Variants in PCDH15 observed in about 807,000 individuals in gnomAD.
PCDH15 encodes protocadherin related 15, also known as protocadherin-15.
PCDH15 carries 129 observed loss-of-function variants against 178.5 expected under a neutral mutation model. The observed-to-expected ratio is 0.72, with a 90% CI of 0.63 to 0.84. The LOEUF is 0.84. Ranked by LOEUF, PCDH15 falls within the 40% of genes least tolerant of loss-of-function variation. PCDH15 has a pLI of 0.00. For synonymous variants in PCDH15, 800 were observed against 732.0 expected, an observed-to-expected ratio of 1.09 and a Z score of -1.50; for missense variants, 2,230 against 2,099.9, an observed-to-expected ratio of 1.06 and a Z score of -1.21.
intron 3 of PCDH15, among the ~76,000 whole-genome samples, chr10:54,863,967 T>C (rs1953892648): frequency 6.6e-6 from 1 of 152,212 alleles, no homozygotes; most frequent in South Asian, 2.1e-4. Context: ...ACTGATCATA[T>C]TTAAAGCTCT....
intron 2 of PCDH15, among the ~76,000 whole-genome samples, chr10:55,471,926 C>T (rs900254816): frequency 6.6e-6 from 1 of 152,092 alleles, no homozygotes; most frequent in African/African-American, 2.4e-5. Context: ...TGTGTTTATG[C>T]CCTGGGAAAA....
intron 18 of PCDH15, among the ~76,000 whole-genome samples, chr10:54,025,927 TAA>T (rs1240049889): frequency 6.6e-6 from 1 of 152,200 alleles, no homozygotes; most frequent in Non-Finnish European, 1.5e-5. Context: ...TAAGGGCATG[TAA>T]GATTACATTA....
At chr10:53,910,298 A>C (rs531037941) in intron 25 of PCDH15, among the ~76,000 whole-genome samples, 2 of 152,282 alleles carry the variant, frequency 1.3e-5, no homozygotes, top group Non-Finnish European at 2.9e-5. Context: ...CTCTGGGATG[A>C]AGCATCCAGA....
chr10:54,974,237 A>C (rs1006210174), intron 2 of PCDH15, among the ~76,000 whole-genome samples: 37 of 152,224 alleles, frequency 2.4e-4, no homozygotes, highest in Non-Finnish European at 4.1e-4. Flanking sequence ...AAAGAAGCTA[A>C]AGAAGTATTA....
intron 3 of PCDH15, among the ~76,000 whole-genome samples, chr10:54,504,880 A>G (rs1489611883): frequency 6.6e-6 from 1 of 152,132 alleles, no homozygotes; most frequent in Non-Finnish European, 1.5e-5. Context: ...AATGTCACCA[A>G]CAATAAATAA....
chr10:54,039,995 G>A (rs888731945), intron 18 of PCDH15, among the ~76,000 whole-genome samples: 1 of 151,920 alleles, frequency 6.6e-6, no homozygotes, highest in Admixed American at 6.6e-5. Flanking sequence ...GGAAGAAAAG[G>A]ACAACATATA....
At chr10:54,737,282 CTGAT>C (rs1481303653) in intron 1 of PCDH15, among the ~76,000 whole-genome samples, 2 of 152,062 alleles carry the variant, frequency 1.3e-5, no homozygotes, top group Non-Finnish European at 2.9e-5. Flanking sequence ...TAAGAGGTGT[CTGAT>C]TGAGCATGCA....
intron 2 of PCDH15, among the ~76,000 whole-genome samples, chr10:55,030,415 C>T (rs574267019): frequency 6.6e-6 from 1 of 152,162 alleles, no homozygotes; most frequent in African/African-American, 2.4e-5. Flanking sequence ...ATAAACACAG[C>T]TAATATTTCT....
chr10:54,720,383 GA>G (rs761620240), intron 1 of PCDH15, among the ~76,000 whole-genome samples: 11 of 149,656 alleles, frequency 7.4e-5, no homozygotes, highest in South Asian at 6.3e-4. Flanking sequence ...AGTCAAAGTG[GA>G]AAAAAAAATC....
chr10:54,736,892 T>A (rs72794585), intron 1 of PCDH15, among the ~76,000 whole-genome samples: 2 of 151,980 alleles, frequency 1.3e-5, no homozygotes, highest in Non-Finnish European at 2.9e-5. Flanking sequence ...TGGCATCAGG[T>A]ATAACGAATC....
chr10:54,407,781 C>T (rs1356956518), intron 3 of PCDH15, among the ~76,000 whole-genome samples: 2 of 152,016 alleles, frequency 1.3e-5, no homozygotes, highest in African/African-American at 2.4e-5. Context: ...GATGGCTGGG[C>T]GTGGTGGCTC....
intron 3 of PCDH15, among the ~76,000 whole-genome samples, chr10:54,380,513 G>A: frequency 6.7e-6 from 1 of 148,464 alleles, no homozygotes. Flanking sequence ...TTGAGAAATT[G>A]AAAGGGAATT....
chr10:55,475,499 A>G (rs896092206), intron 2 of PCDH15, among the ~76,000 whole-genome samples: 1 of 152,160 alleles, frequency 6.6e-6, no homozygotes, highest in Non-Finnish European at 1.5e-5. Context: ...ACCTAAACTA[A>G]AAATCCAAAA....
intron 2 of PCDH15, among the ~76,000 whole-genome samples, chr10:54,998,750 T>C (rs1378467920): frequency 6.6e-6 from 1 of 152,202 alleles, no homozygotes; most frequent in Non-Finnish European, 1.5e-5. Context: ...ACACTAAATT[T>C]GCTATTCTGT....
At chr10:54,172,393 A>T (rs2047007366) in intron 13 of PCDH15, among the ~76,000 whole-genome samples, 1 of 151,846 alleles carries the variant, frequency 6.6e-6, no homozygotes, top group Non-Finnish European at 1.5e-5. Context: ...CCCCACCCTT[A>T]TCTCCCTTAG....
chr10:54,423,840 T>A (rs1955870357), intron 3 of PCDH15, among the ~76,000 whole-genome samples: 1 of 151,922 alleles, frequency 6.6e-6, no homozygotes, highest in African/African-American at 2.4e-5. Flanking sequence ...GATCCCTTCC[T>A]TACACCTTAT....
intron 3 of PCDH15, among the ~76,000 whole-genome samples, chr10:54,882,768 T>C (rs1954286413): frequency 1.3e-5 from 2 of 152,110 alleles, no homozygotes; most frequent in Admixed American, 1.3e-4. Flanking sequence ...ACATGTCTTC[T>C]TGCTAATTAA....
At chr10:55,246,545 G>A (rs1221825068) in intron 1 of PCDH15, among the ~76,000 whole-genome samples, 1 of 152,104 alleles carries the variant, frequency 6.6e-6, no homozygotes, top group African/African-American at 2.4e-5. Context: ...TTGGATTTAT[G>A]ACCTAATGGG....
At chr10:55,040,526 A>AACAACAAC (rs1564740618) in intron 2 of PCDH15, among the ~76,000 whole-genome samples, 3 of 128,638 alleles carry the variant, frequency 2.3e-5, no homozygotes, top group Admixed American at 7.7e-5. Flanking sequence ...ACAACAACAA[A>AACAACAAC]AACACAGGAG....
Sources: gnomAD v4.1 joint callset for allele counts (sites outside exome capture counted in the v4.1 genomes callset) on GRCh38, gnomAD v4.1.1 for gene constraint, MANE v1.5 for transcripts, NCBI Gene and HGNC (gene_info 2026-07-23, HGNC 2026-07-21) for gene names.